The following ACACB variants were observed in gnomAD, a reference collection of about 807,000 sequenced individuals.
The protein encoded by ACACB is acetyl-CoA carboxylase beta.
In ACACB, 209 loss-of-function variants were observed where a neutral mutation model predicts 278.8. That is an observed-to-expected ratio of 0.75 (90% confidence interval 0.67 to 0.84). The LOEUF is 0.84. Ranked by LOEUF, ACACB falls within the 40% of genes least tolerant of loss-of-function variation. The probability of loss-of-function intolerance (pLI) is 0.00; values close to 1 mark genes in which losing one functional copy is unlikely to be tolerated. For synonymous variants in ACACB, 1,174 were observed against 1,285.6 expected (o/e 0.91, Z 1.86); for missense variants, 2,850 against 3,269.0 (o/e 0.87, Z 3.13).
At chr12:109,249,636 C>T (rs996915716) in intron 40 of ACACB, 12 of 160,902 alleles carry the variant, frequency 7.5e-5, no homozygotes, top group East Asian at 3.7e-4. Flanking sequence ...GGATTACAGG[C>T]GTGCACCACC....
chr12:109,140,312 T>A (rs1051336829), intron 2 of ACACB, among the ~76,000 whole-genome samples: 9 of 143,488 alleles, frequency 6.3e-5, no homozygotes, highest in African/African-American at 1.3e-4. Context: ...CCTTCCTTCC[T>A]TCCTTCCTTC....
At chr12:109,158,835 C>T (rs550714128) in intron 2 of ACACB, among the ~76,000 whole-genome samples, 1 of 152,150 alleles carries the variant, frequency 6.6e-6, no homozygotes, top group South Asian at 2.1e-4. Flanking sequence ...ATTAGCAGAG[C>T]GTGGTAGCAC....
At position 109,254,344 on chromosome 12, in the gene ACACB, A is replaced by G. The variant is rs768808581; in HGVS notation, c.6166+10A>G. 14 of 1,603,394 alleles carry G rather than the reference A, an allele frequency of 8.7e-6. No individual in the cohort carries two copies. The highest frequency in any genetic ancestry group is 2.9e-5 in the African/African-American group (2 of 68,810). On this transcript the variant is annotated intron_variant, in intron 44 of 52. Transcript: ENST00000338432. ...GGAAGGCCTCACCCAAGTAAGTTCTAAAGTATTTTGCCTAGGACCTGGTCT... is the reference window on the plus strand; with the variant it reads ...GGAAGGCCTCACCCAAGTAAGTTCTGAAGTATTTTGCCTAGGACCTGGTCT...
intron 2 of ACACB, among the ~76,000 whole-genome samples, chr12:109,149,793 T>A (rs1031582439): frequency 6.6e-6 from 1 of 152,104 alleles, no homozygotes; most frequent in South Asian, 2.1e-4. Context: ...GCAAAGATGG[T>A]GAGATACAGC....
intron 35 of ACACB, 60 bp from the exon 36 acceptor site, chr12:109,241,018 A>G: frequency 6.5e-7 from 1 of 1,535,622 alleles, no homozygotes; most frequent in South Asian, 1.1e-5. Context: ...TATCAGTGCT[A>G]TTGCAAATGT....
At chr12:109,255,333 A>G (rs754098690) in intron 44 of ACACB, among the ~76,000 whole-genome samples, 1 of 152,348 alleles carries the variant, frequency 6.6e-6, no homozygotes, top group Non-Finnish European at 1.5e-5. Flanking sequence ...TGGCTGTGCA[A>G]TGCAGGAGAG....
chr12:109,156,798 A>T (rs935052414), intron 2 of ACACB, among the ~76,000 whole-genome samples: 1 of 152,120 alleles, frequency 6.6e-6, no homozygotes, highest in Non-Finnish European at 1.5e-5. Context: ...CCCTCCAGGA[A>T]CTTCGGTTCC....
intron 39 of ACACB, among the ~76,000 whole-genome samples, chr12:109,247,244 C>G (rs760033181): frequency 3.3e-5 from 5 of 151,540 alleles, no homozygotes; most frequent in African/African-American, 1.2e-4. Flanking sequence ...TGCCCACTAC[C>G]CCCAAGAAGA....
At chr12:109,221,515 T>TAG (rs2046159607) in intron 24 of ACACB, among the ~76,000 whole-genome samples, 1 of 152,134 alleles carries the variant, frequency 6.6e-6, no homozygotes, top group Non-Finnish European at 1.5e-5. Flanking sequence ...GGCCCTTCTT[T>TAG]CAGAAGCAGA....
rs1311809200 is a variant in ACACB, at chr12:109,121,480, C to T, written c.-10+4776C>T. Among the ~76,000 whole-genome samples, 4 of 152,118 alleles carry T rather than the reference C, an allele frequency of 2.6e-5. No individual in the cohort carries two copies. The East Asian group carries it at 7.7e-4, about 29-fold the overall frequency. ...GACACTGGTAGATGTGTAATAATGA[C>T]CCACATAACTACAACCTATGATGAG... On this transcript the variant is annotated intron_variant, in intron 1 of 52. Transcript: ENST00000338432.
At chr12:109,161,750 T>TGTGG (rs1413150274) in intron 2 of ACACB, among the ~76,000 whole-genome samples, 1 of 148,642 alleles carries the variant, frequency 6.7e-6, no homozygotes, top group African/African-American at 2.5e-5. Flanking sequence ...TGTGTGTGTG[T>TGTGG]GGTGTGTGTG....
chr12:109,137,960 A>G (rs1472738349), intron 1 of ACACB, among the ~76,000 whole-genome samples: 2 of 151,036 alleles, frequency 1.3e-5, no homozygotes, highest in Non-Finnish European at 2.9e-5. Context: ...ATGCAGTTGC[A>G]TGATCTCAGC....
intron 34 of ACACB, among the ~76,000 whole-genome samples, chr12:109,238,962 G>T (rs1022546248): frequency 6.6e-6 from 1 of 152,074 alleles, no homozygotes; most frequent in Non-Finnish European, 1.5e-5. Flanking sequence ...TGTCACCCAG[G>T]CTGGAGTGCA....
chr12:109,172,240 G>A (rs2044142576), intron 5 of ACACB, 35 bp from the exon 6 acceptor site: 1 of 1,605,268 alleles, frequency 6.2e-7, no homozygotes, highest in African/African-American at 1.3e-5. Flanking sequence ...TATTCTTGAA[G>A]GAAGATTGTT....
intron 20 of ACACB, among the ~76,000 whole-genome samples, chr12:109,208,429 A>T (rs1408920895): frequency 2.0e-5 from 3 of 151,978 alleles, no homozygotes; most frequent in African/African-American, 7.2e-5. Flanking sequence ...GCTGGTCTCG[A>T]ACTTCTGGGC....
At chr12:109,258,472 A>C in intron 46 of ACACB, 108 bp downstream of exon 46, 2 of 853,540 alleles carry the variant, frequency 2.3e-6, no homozygotes, top group Non-Finnish European at 3.7e-6. Context: ...GTGGAGAAGC[A>C]GGGGACCCAG....
At chr12:109,143,263 A>G (rs951726016) in intron 2 of ACACB, among the ~76,000 whole-genome samples, 13 of 151,946 alleles carry the variant, frequency 8.6e-5, no homozygotes, top group African/African-American at 2.9e-4. Context: ...GGAGTTCAAG[A>G]CCAGCCTGGG....
intron 2 of ACACB, among the ~76,000 whole-genome samples, chr12:109,140,328 TTCCTTCCTTCCTTCC>T (rs2043088718): frequency 7.1e-6 from 1 of 139,948 alleles, no homozygotes; most frequent in Non-Finnish European, 1.6e-5. Context: ...CCTTCCTTCC[TTCCTTCCTTCCTTCC>T]TTCCTTCCCT....
Position 109,193,688 on chromosome 12 carries a change from G to A in ACACB, c.2440G>A (p.Asp814Asn). ...LPADSLLNLV[D>N]VELIYGGVKY... ...AGCGGATTCACTACTGAACCTCGTA[G>A]ATGTGGAATTAATTTACGGAGGTGT... Residue 814 changes from aspartate to asparagine, a missense_variant, in exon 16 of 53, where the codon GAT (aspartate) becomes AAT (asparagine). This residue lies in a region of ACACB where 2,265 missense variants were observed against 2,561.3 expected (regional missense o/e 0.88). Transcript: ENST00000338432. The A allele has an allele frequency of 3.7e-6, 6 of 1,613,970 alleles. No homozygotes were observed. The highest frequency in any genetic ancestry group is 5.1e-6 in the Non-Finnish European group (6 of 1,179,862).
Sources: gnomAD v4.1 joint callset for allele counts (sites outside exome capture counted in the v4.1 genomes callset) on GRCh38, gnomAD v4.1.1 for gene constraint, gnomAD v4.1.1 regional missense constraint, MANE v1.5 for transcripts, NCBI Gene and HGNC (gene_info 2026-07-23, HGNC 2026-07-21) for gene names.